GALNT2: variants seen among roughly 807,000 people sequenced by gnomAD.
GALNT2 encodes UDP-GalNAc:polypeptide N-acetylgalactosaminyltransferase 2.
In GALNT2, 31 loss-of-function variants were observed where a neutral mutation model predicts 81.4. The ratio of observed to expected loss-of-function variants is 0.38; its 90% CI spans 0.29 to 0.51. The LOEUF is 0.51. Among genes scored for constraint, GALNT2 ranks in the 20% least tolerant of loss-of-function variants. The pLI is 0.87. For synonymous variants in GALNT2, 303 were observed against 287.4 expected (o/e 1.05, Z -0.55); for missense variants, 629 against 765.7 (o/e 0.82, Z 2.11).
intron 1 of GALNT2, among the ~76,000 whole-genome samples, chr1:230,139,909 C>T (rs1376821153): frequency 6.6e-6 from 1 of 152,204 alleles, no homozygotes; most frequent in Admixed American, 6.5e-5. Flanking sequence ...GTCCTGTGGG[C>T]TGGTCATTCA....
intron 1 of GALNT2, among the ~76,000 whole-genome samples, chr1:230,170,491 T>C (rs1662756242): frequency 6.6e-6 from 1 of 152,210 alleles, no homozygotes; most frequent in African/African-American, 2.4e-5. Context: ...GATACCAGTG[T>C]TTTACACAGT....
At position 230,070,699 on chromosome 1, in the gene GALNT2, G is replaced by C. The variant is rs970747804; in HGVS notation, c.126+3293G>C. On this transcript the variant is annotated intron_variant, in intron 1 of 15. Transcript: ENST00000366672. The surrounding 1 kb of genome is among the most constrained non-coding windows in gnomAD (Gnocchi z 4.7). ...GGGTGGGATCTTCTAGGAATCATGC[G>C]GGGAGGCGGGCAGGTTATTTCTTGG... 6.6e-6 allele frequency among the ~76,000 whole-genome samples: 1 copy of C among 152,170 alleles called. No individual in the cohort carries two copies. The highest frequency in any genetic ancestry group is 1.9e-4 in the East Asian group (1 of 5,186).
chr1:230,240,388 T>A (rs1665162822), intron 6 of GALNT2, among the ~76,000 whole-genome samples: 1 of 152,164 alleles, frequency 6.6e-6, no homozygotes, highest in African/African-American at 2.4e-5. Context: ...GGTCAGGAGT[T>A]TGAGACCAGC....
At chr1:230,236,463 C>T (rs745725322) in intron 5 of GALNT2, 43 bp downstream of exon 5, 1 of 1,591,120 alleles carries the variant, frequency 6.3e-7, no homozygotes, top group Non-Finnish European at 8.6e-7. Context: ...TGGCTCTTCT[C>T]TGGGCACCAG....
At position 230,275,852 on chromosome 1, in the gene GALNT2, A is replaced by G; in HGVS notation, c.1560+1288A>G. 6.6e-6 allele frequency among the ~76,000 whole-genome samples: 1 copy of G among 151,536 alleles called. No individual in the cohort carries two copies. The highest frequency in any genetic ancestry group is 1.5e-5 in the Non-Finnish European group (1 of 67,824). ...ATATATACATGTATATACATGCCAC[A>G]TAGATATACATATATAAATGCCACA... is the stretch of plus-strand genomic sequence containing the variant. On this transcript the variant is annotated intron_variant, in intron 15 of 15. Coordinates refer to ENST00000366672, the MANE Select transcript of GALNT2 (RefSeq NM_004481.5). The surrounding 1 kb of genome is among the most constrained non-coding windows in gnomAD (Gnocchi z 5.5).
chr1:230,166,865 A>G (rs969667641), intron 1 of GALNT2, among the ~76,000 whole-genome samples: 1 of 152,292 alleles, frequency 6.6e-6, no homozygotes, highest in South Asian at 2.1e-4. Flanking sequence ...AGTCATGAGG[A>G]GTAAAAGAGA....
Position 230,243,275 on chromosome 1 carries a change from T to A in GALNT2, c.608-31T>A. The A allele has an allele frequency of 1.3e-6, 2 of 1,579,074 alleles. No individual in the cohort carries two copies. The highest frequency in any genetic ancestry group is 1.7e-6 in the Non-Finnish European group (2 of 1,165,016). ...TTGTGCTGGCCCTGTGGCTTCTCTC[T>A]CCTGACGTGCTTTCCAACTCGCCTC... On this transcript the variant is annotated intron_variant, in intron 6 of 15. Transcript: ENST00000366672. The surrounding 1 kb of genome is among the most constrained non-coding windows in gnomAD (Gnocchi z 4.2).
intron 3 of GALNT2, among the ~76,000 whole-genome samples, chr1:230,234,106 G>A (rs1664951002): frequency 6.6e-6 from 1 of 152,204 alleles, no homozygotes; most frequent in Non-Finnish European, 1.5e-5. Context: ...CTCTCCAAGA[G>A]TGGGGTCTTG....
intron 6 of GALNT2, among the ~76,000 whole-genome samples, chr1:230,237,635 G>A (rs1665070742): frequency 6.6e-6 from 1 of 151,914 alleles, no homozygotes; most frequent in African/African-American, 2.4e-5. Context: ...AACCAACTAG[G>A]GTCATCAACC....
At chr1:230,191,502 G>A (rs1002376285) in intron 2 of GALNT2, among the ~76,000 whole-genome samples, 5 of 152,182 alleles carry the variant, frequency 3.3e-5, no homozygotes, top group Non-Finnish European at 2.9e-5. Flanking sequence ...AGAAATTAGA[G>A]GGAAGCATTT....
At chr1:230,079,980 C>T (rs1659678112) in intron 1 of GALNT2, among the ~76,000 whole-genome samples, 1 of 152,184 alleles carries the variant, frequency 6.6e-6, no homozygotes, top group Non-Finnish European at 1.5e-5. Context: ...AATTTGGCGT[C>T]CTTTGTTTTA....
chr1:230,118,601 G>A (rs1418727029), intron 1 of GALNT2, among the ~76,000 whole-genome samples: 2 of 152,152 alleles, frequency 1.3e-5, no homozygotes, highest in African/African-American at 4.8e-5. Flanking sequence ...AGTATGGCTG[G>A]TTCCTTATCT....
intron 15 of GALNT2, among the ~76,000 whole-genome samples, chr1:230,276,900 G>C (rs1349572308): frequency 1.3e-5 from 2 of 152,144 alleles, no homozygotes; most frequent in Non-Finnish European, 2.9e-5. Flanking sequence ...GCCAAGTACT[G>C]GGTGAGTCTC....
Position 230,276,012 on chromosome 1 carries a change from A to G in GALNT2, c.1560+1448A>G, listed in dbSNP as rs375256052. Among the ~76,000 whole-genome samples the G allele has an allele frequency of 5.7e-4, 39 of 68,190 alleles. No individual in the cohort carries two copies. The East Asian group carries it at 0.011, about 19-fold the overall frequency. The allele number at this position is 68,190 out of a possible 152,430, so 44.7% of individuals were successfully genotyped here. ...ATATACATGCCACATATATATACGT[A>G]TATATACATGCCACATATATATACG... On this transcript the variant is annotated intron_variant, in intron 15 of 15. Coordinates refer to ENST00000366672, the MANE Select transcript of GALNT2 (RefSeq NM_004481.5).
At chr1:230,195,773 C>T (rs1320905260) in intron 2 of GALNT2, among the ~76,000 whole-genome samples, 1 of 152,116 alleles carries the variant, frequency 6.6e-6, no homozygotes, top group Non-Finnish European at 1.5e-5. Flanking sequence ...CGTGGCTCCT[C>T]CTGGAGGAGG....
intron 1 of GALNT2, among the ~76,000 whole-genome samples, chr1:230,101,558 G>C (rs1232984789): frequency 6.6e-6 from 1 of 152,312 alleles, no homozygotes; most frequent in Non-Finnish European, 1.5e-5. Flanking sequence ...ACCTTTTTTA[G>C]ATGATTTAAA....
chr1:230,250,348 A>G (rs1665505120), intron 9 of GALNT2, 109 bp from the exon 10 acceptor site: 2 of 770,872 alleles, frequency 2.6e-6, no homozygotes, highest in South Asian at 1.5e-5. Flanking sequence ...TGTTCTGAAG[A>G]TCAGCTTATT....
intron 13 of GALNT2, chr1:230,264,993 A>AT: frequency 3.0e-6 from 1 of 332,062 alleles, no homozygotes; most frequent in Non-Finnish European, 5.4e-6. Flanking sequence ...AAAAAAAAAA[A>AT]TGACCTGATA....
chr1:230,090,636 T>C (rs894653853), intron 1 of GALNT2, among the ~76,000 whole-genome samples: 1 of 152,244 alleles, frequency 6.6e-6, no homozygotes. Context: ...AACTTAGGAA[T>C]GTGGTAAGTT....
Sources: allele counts gnomAD v4.1 joint callset (sites outside exome capture counted in the v4.1 genomes callset), GRCh38; gene constraint gnomAD v4.1.1; non-coding constraint Gnocchi (gnomAD v3.1); transcripts MANE v1.5; gene names NCBI Gene and HGNC (gene_info 2026-07-23, HGNC 2026-07-21).